RBFOX1: variants seen among roughly 807,000 people sequenced by gnomAD.
RBFOX1 encodes RNA binding fox-1 homolog 1.
A neutral mutation model predicts 57.7 loss-of-function variants in RBFOX1; 8 were observed. The ratio of observed to expected loss-of-function variants is 0.14; its 90% CI spans 0.08 to 0.25. The LOEUF is 0.25. Ranked by LOEUF, RBFOX1 falls within the 10% of genes least tolerant of loss-of-function variation. The pLI is 1.00. For synonymous variants in RBFOX1, 326 were observed against 222.4 expected (o/e 1.47, Z -4.15); for missense variants, 611 against 548.5 (o/e 1.11, Z -1.14).
At chr16:7,476,206 C>G (rs932353677) in intron 4 of RBFOX1, among the ~76,000 whole-genome samples, 1 of 152,136 alleles carries the variant, frequency 6.6e-6, no homozygotes, top group Admixed American at 6.5e-5. Context: ...CTGCTGGGCT[C>G]AAATGATCCT....
At chr16:6,868,286 C>T (rs2060278437) in intron 3 of RBFOX1, among the ~76,000 whole-genome samples, 1 of 152,044 alleles carries the variant, frequency 6.6e-6, no homozygotes, top group African/African-American at 2.4e-5. Flanking sequence ...AGAAGATGGA[C>T]ACAGAAAGTG....
At position 7,058,441 on chromosome 16, in the gene RBFOX1, T is replaced by C. The variant is rs561926686; in HGVS notation, c.27+6343T>C. Among the ~76,000 whole-genome samples, 3 of 152,328 alleles carry C rather than the reference T, an allele frequency of 2.0e-5. No homozygotes were observed. The South Asian group carries it at 6.2e-4, about 32-fold the overall frequency. On this transcript the variant is annotated intron_variant, in intron 4 of 15. Transcript: ENST00000550418. ...CTATTAAGAATCAGGGGCCTGGAGC[T>C]ACGCCTACTGAGATAAAATCTAGAC...
intron 2 of RBFOX1, among the ~76,000 whole-genome samples, chr16:6,488,344 T>C (rs1268524989): frequency 6.6e-6 from 1 of 152,174 alleles, no homozygotes; most frequent in Non-Finnish European, 1.5e-5. Flanking sequence ...AGGTCTTCCA[T>C]TTGTATTAAA....
chr16:6,382,231 T>C (rs532131242), intron 2 of RBFOX1, among the ~76,000 whole-genome samples: 3 of 152,202 alleles, frequency 2.0e-5, no homozygotes, highest in Admixed American at 6.5e-5. Context: ...CTGTGAGCCA[T>C]ACAAAGACAG....
intron 3 of RBFOX1, among the ~76,000 whole-genome samples, chr16:6,654,993 A>AATT (rs5815339): frequency 0.74 from 112,694 of 151,336 alleles, 41,997 homozygotes; most frequent in Admixed American, 0.78. Flanking sequence ...TCATATGTAT[A>AATT]ATTAATTATA....
chr16:7,690,701 C>T (rs143299506), intron 14 of RBFOX1, among the ~76,000 whole-genome samples: 10 of 152,096 alleles, frequency 6.6e-5, no homozygotes, highest in South Asian at 2.1e-4. Flanking sequence ...TTGGATATAG[C>T]GGAGACATTC....
chr16:6,452,582 C>A (rs905056437), intron 2 of RBFOX1, among the ~76,000 whole-genome samples: 2 of 152,140 alleles, frequency 1.3e-5, no homozygotes, highest in African/African-American at 4.8e-5. Flanking sequence ...GATACCTGAA[C>A]AATAGGGGCC....
At chr16:6,856,788 T>G (rs745395342) in intron 3 of RBFOX1, among the ~76,000 whole-genome samples, 6 of 152,204 alleles carry the variant, frequency 3.9e-5, no homozygotes, top group Non-Finnish European at 5.9e-5. Flanking sequence ...TAAGGAGATG[T>G]GTGTAACAGT....
chr16:5,877,972 C>G (rs1315052648), intron 4 of RBFOX1, among the ~76,000 whole-genome samples: 1 of 152,168 alleles, frequency 6.6e-6, no homozygotes, highest in African/African-American at 2.4e-5. Flanking sequence ...GGCTCCACCT[C>G]CAGAGTTGAG....
intron 1 of RBFOX1, among the ~76,000 whole-genome samples, chr16:5,272,210 G>A (rs777554004): frequency 2.0e-5 from 3 of 152,146 alleles, no homozygotes; most frequent in Non-Finnish European, 4.4e-5. Context: ...AACTAAGAGG[G>A]TACATTTCAA....
At chr16:7,659,447 G>A (rs1293231801) in intron 12 of RBFOX1, among the ~76,000 whole-genome samples, 1 of 152,042 alleles carries the variant, frequency 6.6e-6, no homozygotes, top group Non-Finnish European at 1.5e-5. Flanking sequence ...TAAATACTAG[G>A]AACAAAAGTC....
intron 4 of RBFOX1, among the ~76,000 whole-genome samples, chr16:5,964,248 G>C (rs1220980836): frequency 6.6e-6 from 1 of 152,144 alleles, no homozygotes; most frequent in African/African-American, 2.4e-5. Context: ...CAAAACGTAA[G>C]TGTTGGTGAC....
At chr16:5,489,410 A>T (rs540706221) in intron 2 of RBFOX1, among the ~76,000 whole-genome samples, 3 of 152,344 alleles carry the variant, frequency 2.0e-5, no homozygotes, top group African/African-American at 7.2e-5. Flanking sequence ...TTAAGTTCTG[A>T]TCAGCCAGGT....
intron 2 of RBFOX1, among the ~76,000 whole-genome samples, chr16:6,581,321 T>C (rs958071611): frequency 8.5e-5 from 13 of 152,196 alleles, no homozygotes; most frequent in African/African-American, 3.1e-4. Context: ...CTGTGAAGCA[T>C]GAACCCAGCA....
intron 2 of RBFOX1, among the ~76,000 whole-genome samples, chr16:6,400,798 G>A (rs1398033513): frequency 6.6e-6 from 1 of 152,168 alleles, no homozygotes; most frequent in Non-Finnish European, 1.5e-5. Context: ...AGGAGGCTGA[G>A]GTGGGAGAAT....
intron 4 of RBFOX1, among the ~76,000 whole-genome samples, chr16:7,272,506 A>G (rs1219184966): frequency 2.6e-5 from 4 of 152,134 alleles, no homozygotes; most frequent in East Asian, 1.9e-4. Flanking sequence ...GTTTAGACAT[A>G]TATGTTGCTT....
In RBFOX1 at chr16:5,761,718, G is replaced by T. The variant is rs146501355; in HGVS notation, c.319-105585G>T. Among the ~76,000 whole-genome samples, 461 of 152,310 alleles carry T rather than the reference G, an allele frequency of 3.0e-3. 1 individual carries two copies. The highest frequency in any genetic ancestry group is 9.8e-3 in the African/African-American group (409 of 41,570). On this transcript the variant is annotated intron_variant, in intron 3 of 19. Transcript: ENST00000641259. The stretch of plus-strand genomic sequence containing the variant: ...AGGAATTATGGGAGCTATAATTCAA[G>T]ATGACATTTGGGTGGGGACACAGCA...
intron 2 of RBFOX1, among the ~76,000 whole-genome samples, chr16:6,565,948 C>G (rs569166369): frequency 1.3e-5 from 2 of 152,284 alleles, no homozygotes; most frequent in African/African-American, 4.8e-5. Flanking sequence ...TTTTTCCTCA[C>G]ATATTTCTCT....
At chr16:5,668,431 C>A (rs2049916701) in intron 3 of RBFOX1, among the ~76,000 whole-genome samples, 1 of 152,142 alleles carries the variant, frequency 6.6e-6, no homozygotes, top group Non-Finnish European at 1.5e-5. Flanking sequence ...AAGAGAAGTG[C>A]TTCAAAAAGA....
Sources: allele counts gnomAD v4.1 joint callset (sites outside exome capture counted in the v4.1 genomes callset), GRCh38; gene constraint gnomAD v4.1.1; transcripts MANE v1.5; gene names NCBI Gene and HGNC (gene_info 2026-07-23, HGNC 2026-07-21).